RYR1: variants seen among roughly 807,000 people sequenced by gnomAD.
RYR1 encodes central core disease of muscle.
Under a neutral mutation model 583.5 loss-of-function variants are expected in RYR1, and 342 were observed. The ratio of observed to expected loss-of-function variants is 0.59; its 90% confidence interval spans 0.54 to 0.64. RYR1 has a LOEUF of 0.64. RYR1 is among the 30% of genes least tolerant of loss of function. The pLI, the probability that RYR1 is intolerant of heterozygous loss-of-function variation, is 0.00. For missense variants in RYR1, 6,032 were observed against 6,917.2 expected (o/e 0.87, Z 4.54); for synonymous variants, 2,791 against 2,822.5 (o/e 0.99, Z 0.35).
intron 97 of RYR1, 21 bp from the exon 98 acceptor site, chr19:38,577,897 G>A (rs2145888055): frequency 6.2e-7 from 1 of 1,614,012 alleles, no homozygotes; most frequent in African/African-American, 1.3e-5. Flanking sequence ...TGTCTACACA[G>A]CCTGATGCTC....
chr19:38,505,530 A>T (rs1183425025), intron 53 of RYR1, 132 bp downstream of exon 53: 3 of 791,162 alleles, frequency 3.8e-6, no homozygotes, highest in Non-Finnish European at 6.4e-6. Context: ...CCATTCATGG[A>T]CTTTGCCTTC....
intron 16 of RYR1, among the ~76,000 whole-genome samples, chr19:38,457,053 A>G (rs1193837968): frequency 6.4e-5 from 9 of 141,486 alleles, no homozygotes; most frequent in Non-Finnish European, 1.4e-4. Flanking sequence ...CTCCAAAAAA[A>G]AAAAAAAAAA....
At position 38,502,490 on chromosome 19, in the gene RYR1, C is replaced by T. The variant is rs770656344; in HGVS notation, c.7615-17C>T. The T allele has an allele frequency of 2.9e-5, 47 of 1,600,298 alleles. No individual in the cohort carries two copies. The highest frequency in any genetic ancestry group is 3.7e-5 in the Non-Finnish European group (43 of 1,176,716). ...AGGGGTGTGCAGCGGGCCTGATGTC[C>T]TCACCCTGCGCCCTAGGCCACTTTC... On this transcript the variant is annotated splice_polypyrimidine_tract_variant and intron_variant, in intron 47 of 105. Coordinates refer to ENST00000359596, the MANE Select transcript of RYR1 (RefSeq NM_000540.3).
chr19:38,481,746 A>G (rs1436039519), intron 31 of RYR1, among the ~76,000 whole-genome samples: 1 of 152,000 alleles, frequency 6.6e-6, no homozygotes. Flanking sequence ...TGATAGCGCC[A>G]CTGCACTCCA....
At position 38,543,888 on chromosome 19, in the gene RYR1, C is replaced by T. The variant is rs1370394106; in HGVS notation, c.12012+13C>T. Reference sequence around the variant, plus strand: ...GAAGCTCGCTCAGGTTCGAGCCCCTCTGGTCTCCATCCACCTGCTTCCGGG... The same window carrying T: ...GAAGCTCGCTCAGGTTCGAGCCCCTTTGGTCTCCATCCACCTGCTTCCGGG... On this transcript the variant is annotated intron_variant, in intron 87 of 105. Transcript: ENST00000359596. The surrounding 1 kb of genome is among the most constrained non-coding windows in gnomAD (Gnocchi z 4.4). The T allele has an allele frequency of 6.2e-7, 1 of 1,610,870 alleles. No homozygotes were observed. The highest frequency in any genetic ancestry group is 8.5e-7 in the Non-Finnish European group (1 of 1,179,012).
At chr19:38,507,529 G>A (rs1183640143) in intron 57 of RYR1, among the ~76,000 whole-genome samples, 183 bp from the exon 58 acceptor site, 3 of 151,700 alleles carry the variant, frequency 2.0e-5, no homozygotes, top group Admixed American at 6.6e-5. Flanking sequence ...GAACAGAGGT[G>A]GGGCCAGAGA....
chr19:38,516,328 G>A (rs1970970263), intron 65 of RYR1, 111 bp downstream of exon 65: 5 of 1,346,050 alleles, frequency 3.7e-6, no homozygotes, highest in Non-Finnish European at 4.1e-6. Context: ...GTGAGCGGCT[G>A]AGGATTCCCC....
rs1358554710 is a variant in RYR1, at chr19:38,504,998, A to G, written c.8232-5A>G. 84 of 1,614,032 alleles carry G rather than the reference A, an allele frequency of 5.2e-5. No homozygotes were observed. Among genetic ancestry groups the G allele is most frequent in the Non-Finnish European group, 6.8e-5 (80 of 1,180,012 alleles). ...CAACATCTGCTGACCCTGTGCCCCC[A>G]ACAGTGTGATCATCCCGGAGAAGCT... is the stretch of plus-strand genomic sequence containing the variant. On this transcript the variant is annotated splice_region_variant and splice_polypyrimidine_tract_variant and intron_variant, in intron 51 of 105. Transcript: ENST00000359596.
chr19:38,526,181 AC>A (rs1406520046), intron 71 of RYR1, among the ~76,000 whole-genome samples: 2 of 151,290 alleles, frequency 1.3e-5, no homozygotes, highest in African/African-American at 4.9e-5. Flanking sequence ...GGGCTGTAGA[AC>A]CTCTTAAGCT....
At chr19:38,529,780 A>G (rs898573137) in intron 76 of RYR1, among the ~76,000 whole-genome samples, 1 of 152,154 alleles carries the variant, frequency 6.6e-6, no homozygotes, top group East Asian at 1.9e-4. Flanking sequence ...ATTGTGATGC[A>G]GATGGCGCAG....
chr19:38,443,924 G>A (rs958726916), intron 5 of RYR1, 128 bp downstream of exon 5: 1 of 912,730 alleles, frequency 1.1e-6, no homozygotes, highest in Non-Finnish European at 1.8e-6. Context: ...CTTCGTAGCA[G>A]AGAGTCTGCG....
Position 38,505,803 on chromosome 19 carries a change from C to T in RYR1, c.8401-3C>T. 1 of 1,614,084 alleles carries T rather than the reference C, an allele frequency of 6.2e-7. No homozygotes were observed. Among genetic ancestry groups the T allele is most frequent in the Non-Finnish European group, 8.5e-7 (1 of 1,180,012 alleles). On this transcript the variant is annotated splice_region_variant and splice_polypyrimidine_tract_variant and intron_variant, in intron 53 of 105. Transcript: ENST00000359596. ...CAACTCCCCACCCTCCTGTCCACCC[C>T]AGGACAAAGAGATTTACCGCTGGCC...
chr19:38,523,119 A>C lies in RYR1; in HGVS notation c.10347+4A>C. 2 of 1,613,692 alleles carry C rather than the reference A, an allele frequency of 1.2e-6. No homozygotes were observed. The highest frequency in any genetic ancestry group is 1.7e-6 in the Non-Finnish European group (2 of 1,179,894). Reference sequence around the variant, plus strand: ...CATCTACTGGTCCAAGTCCCACGTGAGTGCCCACCCCAACCGCCCTCCCCA... The same window carrying C: ...CATCTACTGGTCCAAGTCCCACGTGCGTGCCCACCCCAACCGCCCTCCCCA... On this transcript the variant is annotated splice_donor_region_variant and intron_variant, in intron 68 of 105. Coordinates refer to ENST00000359596, the MANE Select transcript of RYR1 (RefSeq NM_000540.3).
In RYR1 at chr19:38,584,993, G is replaced by A. The variant is rs770698609; in HGVS notation, c.14697G>A (p.Gly4899=). The A allele has an allele frequency of 2.3e-5, 37 of 1,613,946 alleles. No individual in the cohort carries two copies. Among genetic ancestry groups the A allele is most frequent in the Non-Finnish European group, 2.9e-5 (34 of 1,180,018 alleles). The part of the protein sequence containing the change: ...YVGVRAGGGI[G]DEIEDPAGDE... ...GTGTCCGGGCTGGCGGAGGCATTGG[G>A]GACGAGATCGAGGACCCCGCGGGTG... The change falls in exon 102 of 106, where the codon GGG becomes GGA. Residue 4899 remains glycine (G), a synonymous_variant. Coordinates refer to ENST00000359596, the MANE Select transcript of RYR1 (RefSeq NM_000540.3).
At chr19:38,443,894 C>T (rs1972814224) in intron 5 of RYR1, 98 bp downstream of exon 5, 1 of 1,150,536 alleles carries the variant, frequency 8.7e-7, no homozygotes, top group African/African-American at 1.5e-5. Context: ...ATGAGACTAC[C>T]CTGGGGACAT....
At chr19:38,548,609 T>A (rs1174097187) in intron 89 of RYR1, among the ~76,000 whole-genome samples, 189 bp downstream of exon 89, 1 of 152,142 alleles carries the variant, frequency 6.6e-6, no homozygotes, top group Non-Finnish European at 1.5e-5. Flanking sequence ...GACAAGGTCT[T>A]TCTCTGTTGC....
rs748122408 is a variant in RYR1, at chr19:38,516,144, G to A, written c.9612G>A (p.Ala3204=). 2.3e-5 allele frequency: 35 copies of A among 1,553,416 alleles called. No individual in the cohort carries two copies. The Admixed American group carries it at 3.1e-4, about 14-fold the overall frequency. ...GTCTGGCAGCAGCCATGCCGGTGGC[G>A]TTCCTGGAGCCGCAGCTGAACGAGT... The part of the protein sequence containing the change: ...LARLAAAMPV[A]FLEPQLNEYN... Residue 3204 remains alanine (A), a synonymous_variant, in exon 65 of 106, where the codon GCG becomes GCA. Transcript: ENST00000359596.
chr19:38,553,806 A>G (rs1001135193), intron 89 of RYR1, among the ~76,000 whole-genome samples: 2 of 151,252 alleles, frequency 1.3e-5, no homozygotes, highest in East Asian at 3.8e-4. Flanking sequence ...GAAAATACAA[A>G]CAGATATTTT....
In RYR1 at chr19:38,460,610, A is replaced by T. The variant is rs774473628; in HGVS notation, c.2577+19A>T. 6.2e-7 allele frequency: 1 copy of T among 1,603,956 alleles called. No individual in the cohort carries two copies. The highest frequency in any genetic ancestry group is 8.5e-7 in the Non-Finnish European group (1 of 1,177,446). ...TGTCCAGGTACTGCCTGCCCTGCAA[A>T]GGTTTTCTGGCGAGGCAGGGTCTCT... On this transcript the variant is annotated intron_variant, in intron 20 of 105. Coordinates refer to ENST00000359596, the MANE Select transcript of RYR1 (RefSeq NM_000540.3).
Sources: allele counts gnomAD v4.1 joint callset (sites outside exome capture counted in the v4.1 genomes callset), GRCh38; gene constraint gnomAD v4.1.1; non-coding constraint Gnocchi (gnomAD v3.1); transcripts MANE v1.5; gene names NCBI Gene and HGNC (gene_info 2026-07-23, HGNC 2026-07-21).